Variants in ARHGEF16 observed in about 807,000 individuals in gnomAD.
ARHGEF16 encodes the protein Rho guanine nucleotide exchange factor 16.
In ARHGEF16, 59 loss-of-function variants were observed where a neutral mutation model predicts 74.1. That is an observed-to-expected ratio of 0.80 (90% CI 0.65 to 0.99). The LOEUF (loss-of-function observed/expected upper bound fraction) is 0.99, where lower values mean the gene tolerates loss of function less well. ARHGEF16 is among the 50% of genes least tolerant of loss of function. The pLI is 0.00. For missense variants in ARHGEF16, 948 were observed against 986.6 expected, an observed-to-expected ratio of 0.96 and a Z score of 0.52; for synonymous variants, 415 against 412.6, an observed-to-expected ratio of 1.01 and a Z score of -0.07.
chr1:3,477,888 T>C lies in ARHGEF16; in HGVS notation c.1487T>C (p.Ile496Thr). 6.2e-7 allele frequency: 1 copy of C among 1,603,110 alleles called. No individual in the cohort carries two copies. Among genetic ancestry groups the C allele is most frequent in the Non-Finnish European group, 8.5e-7 (1 of 1,171,794 alleles). Residue 496 changes from isoleucine to threonine, a missense_variant, in exon 11 of 15, where the codon ATC (isoleucine) becomes ACC (threonine). Transcript: ENST00000378378. Reference protein sequence around the residue: ...DFSKVKSLPLISASRWLLKRG... With the variant: ...DFSKVKSLPLTSASRWLLKRG... ...CTGTCCCCCCAGTCCCTCCCACTGA[T>C]CTCTGCCTCCCGGTGGCTGCTGAAG...
Position 3,480,621 on chromosome 1 carries a change from G to A in ARHGEF16, c.*34G>A, listed in dbSNP as rs1319512030. ...AGGCCAGCCGGCGGCAGCACAGCCT[G>A]TCTCCAATCAGCAAGTGGTCGTGCC... On this transcript the variant is annotated 3_prime_UTR_variant, in exon 15 of 15. Transcript: ENST00000378378. 2.5e-6 allele frequency: 4 copies of A among 1,596,004 alleles called. No individual in the cohort carries two copies. Among genetic ancestry groups the A allele is most frequent in the East Asian group, 2.2e-5 (1 of 44,796 alleles).
chr1:3,467,728 C>T (rs1488750776), intron 4 of ARHGEF16, among the ~76,000 whole-genome samples: 1 of 152,146 alleles, frequency 6.6e-6, no homozygotes, highest in African/African-American at 2.4e-5. Flanking sequence ...CAAGACACTC[C>T]TTCACTTTCC....
intron 1 of ARHGEF16, among the ~76,000 whole-genome samples, chr1:3,461,601 G>A (rs1204514783): frequency 1.3e-5 from 2 of 152,346 alleles, no homozygotes; most frequent in East Asian, 3.9e-4. Context: ...GCCCAGGGGG[G>A]TTGCAAGCAG....
intron 14 of ARHGEF16, 151 bp downstream of exon 14, chr1:3,480,064 C>A (rs1640014179): frequency 1.3e-6 from 1 of 747,610 alleles, no homozygotes; most frequent in Non-Finnish European, 2.2e-6. Context: ...AGCACTCCCA[C>A]ATCCCCAAAC....
At position 3,466,131 on chromosome 1, in the gene ARHGEF16, G is replaced by A; in HGVS notation, c.589-17G>A. The A allele has an allele frequency of 6.5e-7, 1 of 1,548,426 alleles. No individual in the cohort carries two copies. On this transcript the variant is annotated splice_polypyrimidine_tract_variant and intron_variant, in intron 2 of 14. Transcript: ENST00000378378. Reference sequence around the variant, plus strand: ...CCCGGCTGACAGCTGCGGTTTCTGTGTCTCTCTTTTGTGCAGAAGACGCTG... The same window carrying A: ...CCCGGCTGACAGCTGCGGTTTCTGTATCTCTCTTTTGTGCAGAAGACGCTG...
At chr1:3,473,655 C>A in intron 8 of ARHGEF16, 133 bp downstream of exon 8, 3 of 1,429,822 alleles carry the variant, frequency 2.1e-6, no homozygotes, top group Non-Finnish European at 1.9e-6. Flanking sequence ...GTAATAGTTA[C>A]GATCCTAAGA....
Position 3,463,249 on chromosome 1 carries a change from G to A in ARHGEF16, c.165G>A (p.Pro55=), listed in dbSNP as rs778271086. 13 of 1,548,408 alleles carry A rather than the reference G, an allele frequency of 8.4e-6. 1 individual carries two copies. The South Asian group carries it at 9.5e-5, about 11-fold the overall frequency. ...RDDAAFQPQV[P]APPQPRPPGH... is the part of the protein sequence containing the mutation. ...ATGCCGCCTTCCAGCCCCAGGTCCC[G>A]GCACCCCCACAGCCTCGGCCCCCGG... Residue 55 remains proline, a synonymous_variant, in exon 2 of 15, where the codon CCG becomes CCA. Transcript: ENST00000378378.
chr1:3,467,169 C>A lies in ARHGEF16; in HGVS notation c.636C>A (p.Asp212Glu), dbSNP rs1169999289. 4 of 1,550,248 alleles carry A rather than the reference C, an allele frequency of 2.6e-6. No homozygotes were observed. The highest frequency in any genetic ancestry group is 2.0e-5 in the Admixed American group (1 of 50,962). Residue 212 changes from aspartate (D) to glutamate (E), a missense_variant and splice_region_variant, in exon 4 of 15, where the codon GAC (aspartate) becomes GAA (glutamate). By Grantham distance (45) the Asp-to-Glu change is conservative. Transcript: ENST00000378378. ...KRGHKGSFKD[D>E]PQLYQEIQER... ...AGGTTACCCTCCTTCTCTCTCTAGA[C>A]CCCCAGCTCTACCAGGAGATCCAGG...
At chr1:3,455,859 G>T (rs1379182982) in intron 1 of ARHGEF16, among the ~76,000 whole-genome samples, 2 of 152,182 alleles carry the variant, frequency 1.3e-5, no homozygotes, top group Non-Finnish European at 2.9e-5. Flanking sequence ...ACTAGTAGGA[G>T]TGTTGAGTTA....
At chr1:3,476,387 C>A (rs1639876576) in intron 10 of ARHGEF16, among the ~76,000 whole-genome samples, 1 of 152,196 alleles carries the variant, frequency 6.6e-6, no homozygotes, top group Non-Finnish European at 1.5e-5. Context: ...AGGAGTGGCC[C>A]TGTCAGTGCA....
Position 3,480,964 on chromosome 1 carries a change from A to C in ARHGEF16, c.*377A>C. ...TGGGGGCAATGCGAGGTCTCCTCCTATGCCCTTCCTACCCCTGAGTGGGAC... is the reference window on the plus strand; with the variant it reads ...TGGGGGCAATGCGAGGTCTCCTCCTCTGCCCTTCCTACCCCTGAGTGGGAC... On this transcript the variant is annotated 3_prime_UTR_variant, in exon 15 of 15. Transcript: ENST00000378378. 1 of 231,270 alleles carries C rather than the reference A, an allele frequency of 4.3e-6. No individual in the cohort carries two copies. Among genetic ancestry groups the C allele is most frequent in the South Asian group, 1.0e-4 (1 of 9,948 alleles). The allele number at this position is 231,270 out of a possible 1,614,324, so 14.3% of individuals were successfully genotyped here.
In ARHGEF16 at chr1:3,463,631, G is replaced by C; in HGVS notation, c.547G>C (p.Glu183Gln). ...LSPKLQALAE[E>Q]PSQPHTRSPA... The stretch of plus-strand genomic sequence containing the variant: ...CCCTAAGCTCCAGGCTCTGGCTGAG[G>C]AACCCAGCCAGCCTCATACTCGGAG... The change falls in exon 2 of 15, where the codon GAA becomes CAA. Residue 183 changes from glutamate (E) to glutamine (Q), a missense_variant. Coordinates refer to ENST00000378378, the MANE Select transcript of ARHGEF16 (RefSeq NM_014448.4). 7.0e-7 allele frequency: 1 copy of C among 1,425,306 alleles called. No homozygotes were observed. Among genetic ancestry groups the C allele is most frequent in the Admixed American group, 2.9e-5 (1 of 34,478 alleles). The allele number at this position is 1,425,306 out of a possible 1,614,324, so 88.3% of individuals were successfully genotyped here.
At chr1:3,474,934 C>T (rs111636201) in intron 9 of ARHGEF16, 152 bp downstream of exon 9, 21 of 628,850 alleles carry the variant, frequency 3.3e-5, no homozygotes, top group Middle Eastern at 4.3e-4. Context: ...CCTTTCACAG[C>T]GCTGACAGGG....
At chr1:3,476,132 G>A in intron 10 of ARHGEF16, 70 bp downstream of exon 10, 1 of 1,474,438 alleles carries the variant, frequency 6.8e-7, no homozygotes. Flanking sequence ...GCCTGCGTGT[G>A]AGGTCACACC....
Position 3,463,138 on chromosome 1 carries a change from C to T in ARHGEF16, c.54C>T (p.Arg18=). 1 of 1,487,958 alleles carries T rather than the reference C, an allele frequency of 6.7e-7. No individual in the cohort carries two copies. The highest frequency in any genetic ancestry group is 9.0e-7 in the Non-Finnish European group (1 of 1,113,736). The allele number at this position is 1,487,958 out of a possible 1,614,324, so 92.2% of individuals were successfully genotyped here. A position where few individuals can be genotyped will look rare whatever the true frequency, so the allele number is the denominator to read the frequency against. The change falls in exon 2 of 15, where the codon CGC becomes CGT. Residue 18 remains arginine, a synonymous_variant. Coordinates refer to ENST00000378378, the MANE Select transcript of ARHGEF16 (RefSeq NM_014448.4). ...SSLEEKLLGH[R]FHSELRLDAG... Reference sequence around the variant, plus strand: ...TGGAGGAGAAGCTCCTGGGACACCGCTTCCACTCGGAGCTCCGGCTCGATG... The same window carrying T: ...TGGAGGAGAAGCTCCTGGGACACCGTTTCCACTCGGAGCTCCGGCTCGATG...
rs1307646677 is a variant in ARHGEF16 at position 3,467,198 on chromosome 1, G to A, written c.665G>A (p.Arg222Gln). 4.5e-6 allele frequency: 7 copies of A among 1,550,490 alleles called. No individual in the cohort carries two copies. Among genetic ancestry groups the A allele is most frequent in the Admixed American group, 2.0e-5 (1 of 50,970 alleles). The part of the protein sequence containing the change: ...DPQLYQEIQE[R>Q]GLNTSQESDD... The stretch of plus-strand genomic sequence containing the variant: ...CAGCTCTACCAGGAGATCCAGGAGC[G>A]GGGCCTGAACACCAGCCAGGAGTCT... Residue 222 changes from arginine to glutamine, a missense_variant, in exon 4 of 15, where the codon CGG (arginine) becomes CAG (glutamine). Coordinates refer to ENST00000378378, the MANE Select transcript of ARHGEF16 (RefSeq NM_014448.4).
At chr1:3,462,754 C>T (rs879833396) in intron 1 of ARHGEF16, among the ~76,000 whole-genome samples, 7 of 152,226 alleles carry the variant, frequency 4.6e-5, no homozygotes, top group Admixed American at 3.3e-4. Context: ...GCAGTGTGGC[C>T]TCCCAACCTC....
In ARHGEF16 at chr1:3,480,458, T is replaced by G. The variant is rs778509287; in HGVS notation, c.2001T>G (p.Tyr667Ter). 1.2e-6 allele frequency: 2 copies of G among 1,612,530 alleles called. No individual in the cohort carries two copies. Among genetic ancestry groups the G allele is most frequent in the Admixed American group, 3.3e-5 (2 of 60,022 alleles). Residue 667 changes from tyrosine to a stop codon, truncating the protein, a stop_gained, in exon 15 of 15, where the codon TAT becomes TAG. Transcript: ENST00000378378. LOFTEE classifies it low-confidence loss of function (END_TRUNC). ...LVLQQEDGWL[Y>*]GERLRDGETG... ...CCTATCCGGGTTCAGGGTGGCTCTATGGCGAGAGGCTCCGGGACGGAGAGA... is the reference window on the plus strand; with the variant it reads ...CCTATCCGGGTTCAGGGTGGCTCTAGGGCGAGAGGCTCCGGGACGGAGAGA...
intron 8 of ARHGEF16, 111 bp from the exon 9 acceptor site, chr1:3,474,597 G>A (rs1639830447): frequency 1.0e-6 from 1 of 1,002,446 alleles, no homozygotes; most frequent in Non-Finnish European, 1.6e-6. Context: ...GAGCCCCCTG[G>A]GGGCAGCTGT....
Sources: gnomAD v4.1 joint callset for allele counts (sites outside exome capture counted in the v4.1 genomes callset) on GRCh38, gnomAD v4.1.1 for gene constraint, MANE v1.5 for transcripts, NCBI Gene and HGNC (gene_info 2026-07-23, HGNC 2026-07-21) for gene names.